DNAH6: variants seen among roughly 807,000 people sequenced by gnomAD.
DNAH6 encodes the protein dynein axonemal heavy chain 6, also known as axonemal beta dynein heavy chain 6.
In DNAH6, 340 loss-of-function variants were observed where a neutral mutation model predicts 491.4. The observed-to-expected ratio is 0.69, with a 90% CI of 0.63 to 0.76. The LOEUF (loss-of-function observed/expected upper bound fraction) is 0.76, where lower values mean the gene tolerates loss of function less well. DNAH6 is among the 30% of genes least tolerant of loss of function. The pLI, the probability that DNAH6 is intolerant of heterozygous loss-of-function variation, is 0.00. For missense variants in DNAH6, 4,443 were observed against 4,972.2 expected, an observed-to-expected ratio of 0.89 and a Z score of 3.20; for synonymous variants, 1,603 against 1,686.1, an observed-to-expected ratio of 0.95 and a Z score of 1.21.
Position 84,812,277 on chromosome 2 carries a change from G to T in DNAH6, c.11740-64G>T, listed in dbSNP as rs1208764012. Reference sequence around the variant, plus strand: ...CAAGGCAGCCCCTGCTGTCATTAATGTGTGTCACTGACACTGGATAATGAC... The same window carrying T: ...CAAGGCAGCCCCTGCTGTCATTAATTTGTGTCACTGACACTGGATAATGAC... On this transcript the variant is annotated intron_variant, in intron 72 of 76. Coordinates refer to ENST00000389394, the MANE Select transcript of DNAH6 (RefSeq NM_001370.2). 21 of 1,422,042 alleles carry T rather than the reference G, an allele frequency of 1.5e-5. No homozygotes were observed. The East Asian group carries it at 4.5e-4, about 30-fold the overall frequency. The allele number at this position is 1,422,042 out of a possible 1,614,324, so 88.1% of individuals were successfully genotyped here.
intron 40 of DNAH6, among the ~76,000 whole-genome samples, chr2:84,673,320 G>A (rs1453457412): frequency 6.6e-6 from 1 of 152,206 alleles, no homozygotes; most frequent in Non-Finnish European, 1.5e-5. Context: ...AGCTGCTGAA[G>A]GAAATGTTAT....
rs1277021979 is a variant in DNAH6 at position 84,713,158 on chromosome 2, G to T, written c.9442G>T (p.Gly3148Cys). ...ILLKQIFISG[G>C]RLLIRLGDSD... ...TTTGAAACAAATTTTTATCAGTGGTGGCCGACTACTCATCCGTCTTGGAGA... is the reference window on the plus strand; with the variant it reads ...TTTGAAACAAATTTTTATCAGTGGTTGCCGACTACTCATCCGTCTTGGAGA... Residue 3148 changes from glycine to cysteine, a missense_variant, in exon 57 of 77, where the codon GGC becomes TGC. Physicochemically the swap from Gly to Cys is radical, Grantham distance 159. Transcript: ENST00000389394. The T allele has an allele frequency of 6.4e-7, 1 of 1,551,612 alleles. No homozygotes were observed. Among genetic ancestry groups the T allele is most frequent in the African/African-American group, 1.4e-5 (1 of 73,028 alleles).
At chr2:84,755,101 G>A (rs1003708125) in intron 63 of DNAH6, among the ~76,000 whole-genome samples, 2 of 152,160 alleles carry the variant, frequency 1.3e-5, no homozygotes, top group East Asian at 3.8e-4. Flanking sequence ...GTTCCCCAAA[G>A]TTCCTTTATT....
chr2:84,720,114 C>G (rs746225630), intron 59 of DNAH6, among the ~76,000 whole-genome samples: 4 of 152,004 alleles, frequency 2.6e-5, no homozygotes, highest in African/African-American at 4.8e-5. Context: ...TCAGAAAACC[C>G]TCTCTTTTAC....
chr2:84,663,372 C>T (rs755900014), intron 37 of DNAH6, among the ~76,000 whole-genome samples: 10 of 152,124 alleles, frequency 6.6e-5, no homozygotes, highest in Non-Finnish European at 1.2e-4. Context: ...AAATGACTGA[C>T]TAGAATAAAC....
At position 84,658,467 on chromosome 2, in the gene DNAH6, T is replaced by C. The variant is rs1336420075; in HGVS notation, c.5933T>C (p.Leu1978Ser). 3 of 1,510,526 alleles carry C rather than the reference T, an allele frequency of 2.0e-6. No individual in the cohort carries two copies. Among genetic ancestry groups the C allele is most frequent in the East Asian group, 2.5e-5 (1 of 39,398 alleles). The allele number at this position is 1,510,526 out of a possible 1,614,324, so 93.6% of individuals were successfully genotyped here. ...SLILGKDGVN[L>S]AMEQTKLNTI... ...ATACTTGGGAAAGATGGAGTTAACT[T>C]GGCAATGGTATGAAGAGTTTTCTTA... The change falls in exon 36 of 77, where the codon TTG becomes TCG. Residue 1978 changes from leucine to serine, a missense_variant. Physicochemically the swap from Leu to Ser is moderately radical, Grantham distance 145. Coordinates refer to ENST00000389394, the MANE Select transcript of DNAH6 (RefSeq NM_001370.2).
intron 57 of DNAH6, among the ~76,000 whole-genome samples, chr2:84,713,934 C>T (rs1697288861): frequency 6.6e-6 from 1 of 152,072 alleles, no homozygotes; most frequent in Non-Finnish European, 1.5e-5. Flanking sequence ...TACATATGTC[C>T]CTGAGACTCA....
chr2:84,640,527 A>T lies in DNAH6; in HGVS notation c.4919A>T (p.Asp1640Val), dbSNP rs1351938310. The change falls in exon 32 of 77, where the codon GAT becomes GTT. Residue 1640 changes from aspartate to valine, a missense_variant. Transcript: ENST00000389394. Reference sequence around the variant, plus strand: ...TGCAGTGAGCAGCTGTCTCAGCAGGATCACTACGACTTTGGCATGAGAGCT... The same window carrying T: ...TGCAGTGAGCAGCTGTCTCAGCAGGTTCACTACGACTTTGGCATGAGAGCT... Reference protein sequence around the residue: ...KLCSEQLSQQDHYDFGMRAVK... With the variant: ...KLCSEQLSQQVHYDFGMRAVK... 1.3e-6 allele frequency: 2 copies of T among 1,551,168 alleles called. No homozygotes were observed. Among genetic ancestry groups the T allele is most frequent in the Non-Finnish European group, 1.7e-6 (2 of 1,146,714 alleles).
intron 56 of DNAH6, among the ~76,000 whole-genome samples, chr2:84,711,038 T>G (rs1347875799): frequency 6.6e-6 from 1 of 151,900 alleles, no homozygotes; most frequent in Non-Finnish European, 1.5e-5. Flanking sequence ...TAGCTTACAA[T>G]TGAGGTGGGG....
At chr2:84,509,709 G>A in the DNAH6 span, among the ~76,000 whole-genome samples, 9 of 152,116 alleles carry the variant, frequency 5.9e-5, no homozygotes, top group Non-Finnish European at 7.4e-5. Flanking sequence ...GCAGTGGCTG[G>A]TACCGGTTGT....
chr2:84,614,982 T>G (rs796675684), intron 22 of DNAH6, among the ~76,000 whole-genome samples: 9 of 152,354 alleles, frequency 5.9e-5, no homozygotes, highest in African/African-American at 2.2e-4. Flanking sequence ...GTCTGTTTAC[T>G]CTGCTTGCTG....
chr2:84,557,598 C>CGA (rs1222316061), intron 10 of DNAH6, 137 bp from the exon 11 acceptor site: 1 of 202,990 alleles, frequency 4.9e-6, no homozygotes, highest in Non-Finnish European at 8.2e-6. Flanking sequence ...TGCAGTGAGC[C>CGA]GAGATTGCGC....
chr2:84,464,384 C>G, the DNAH6 span, among the ~76,000 whole-genome samples: 3 of 152,190 alleles, frequency 2.0e-5, no homozygotes, highest in African/African-American at 4.8e-5. Context: ...CCTACTCCCC[C>G]AGAAGTTCCA....
At chr2:84,642,152 T>C in intron 33 of DNAH6, 98 bp downstream of exon 33, 1 of 810,462 alleles carries the variant, frequency 1.2e-6, no homozygotes, top group Non-Finnish European at 2.0e-6. Flanking sequence ...AGCTGAAAAC[T>C]TTCCTATCTT....
chr2:84,796,276 A>T, intron 68 of DNAH6, 30 bp from the exon 69 acceptor site: 1 of 1,415,882 alleles, frequency 7.1e-7, no homozygotes, highest in Non-Finnish European at 9.3e-7. Context: ...TAAAAACAGC[A>T]ATAATTTCAA....
upstream of DNAH6, among the ~76,000 whole-genome samples, chr2:84,515,999 A>G (rs983034623): frequency 3.3e-5 from 5 of 152,154 alleles, no homozygotes; most frequent in Admixed American, 2.6e-4. Flanking sequence ...GAGCCTTAAG[A>G]CACTCGGGAG....
At chr2:84,611,268 A>G (rs1237372826) in intron 21 of DNAH6, among the ~76,000 whole-genome samples, 2 of 152,306 alleles carry the variant, frequency 1.3e-5, no homozygotes, top group East Asian at 3.9e-4. Flanking sequence ...TGAATGAAAA[A>G]TGAACACATG....
intron 43 of DNAH6, 35 bp from the exon 44 acceptor site, chr2:84,686,449 A>G: frequency 8.6e-7 from 1 of 1,165,730 alleles, no homozygotes; most frequent in Non-Finnish European, 1.2e-6. Flanking sequence ...CAAGATTATC[A>G]TTATATTTAA....
intron 2 of DNAH6, among the ~76,000 whole-genome samples, chr2:84,524,325 T>C (rs1009182579): frequency 1.3e-5 from 2 of 152,094 alleles, no homozygotes; most frequent in Admixed American, 1.3e-4. Flanking sequence ...ATCCCTTTTC[T>C]TGAGTCCCTG....
Sources: allele counts gnomAD v4.1 joint callset (sites outside exome capture counted in the v4.1 genomes callset), GRCh38; gene constraint gnomAD v4.1.1; transcripts MANE v1.5; gene names NCBI Gene and HGNC (gene_info 2026-07-23, HGNC 2026-07-21).